The following SUMF1 variants were observed in gnomAD, a reference collection of about 807,000 sequenced individuals.
SUMF1 encodes sulfatase modifying factor 1, also known as formylglycine-generating enzyme.
Under a neutral mutation model 47.6 loss-of-function variants are expected in SUMF1, and 48 were observed. The observed-to-expected ratio is 1.01, with a 90% CI of 0.80 to 1.28. The LOEUF (loss-of-function observed/expected upper bound fraction) is 1.28, where lower values mean the gene tolerates loss of function less well. Among genes scored for constraint, SUMF1 ranks in the 50% most tolerant of loss-of-function variants. The pLI is 0.00. For missense variants in SUMF1, 571 were observed against 485.4 expected (o/e 1.18, Z -1.66); for synonymous variants, 230 against 192.1 (o/e 1.20, Z -1.63).
rs549036714 is a variant in SUMF1, at chr3:4,422,158, C to T, written c.520-2012G>A. 1.1e-3 allele frequency among the ~76,000 whole-genome samples: 166 copies of T among 152,194 alleles called. 1 individual carries two copies. The highest frequency in any genetic ancestry group is 1.9e-3 in the Non-Finnish European group (132 of 68,024). On this transcript the variant is annotated intron_variant, in intron 3 of 8. Transcript: ENST00000272902. ...TGGCTTCTTTCTATTTCATTTGTGG[C>T]GCTGTAGAAGTTCCTCTGGGGGCTG...
intron 8 of SUMF1, among the ~76,000 whole-genome samples, chr3:4,176,535 G>A (rs1220466169): frequency 1.3e-5 from 2 of 152,240 alleles, no homozygotes; most frequent in East Asian, 3.9e-4. Context: ...GCTGCTGAAG[G>A]AAGCACTAAA....
chr3:4,196,819 G>C (rs180817096), intron 8 of SUMF1, among the ~76,000 whole-genome samples: 1 of 152,198 alleles, frequency 6.6e-6, no homozygotes, highest in African/African-American at 2.4e-5. Context: ...TTAAATACTA[G>C]GGAACCAGTG....
At chr3:4,409,974 C>T (rs1431203883) in intron 7 of SUMF1, among the ~76,000 whole-genome samples, 1 of 152,156 alleles carries the variant, frequency 6.6e-6, no homozygotes, top group African/African-American at 2.4e-5. Flanking sequence ...TATCATTACC[C>T]TTTGAGCCTT....
At chr3:4,064,381 A>G (rs1695335369) in intron 9 of SUMF1, among the ~76,000 whole-genome samples, 1 of 152,096 alleles carries the variant, frequency 6.6e-6, no homozygotes, top group South Asian at 2.1e-4. Context: ...TCCGGAAGTT[A>G]CCATATATGG....
intron 8 of SUMF1, among the ~76,000 whole-genome samples, chr3:4,245,670 G>A (rs1696649317): frequency 6.6e-6 from 1 of 152,136 alleles, no homozygotes; most frequent in South Asian, 2.1e-4. Context: ...ACTGGGAGGT[G>A]TCTCCCAGTC....
intron 8 of SUMF1, among the ~76,000 whole-genome samples, chr3:4,095,870 G>A (rs541470171): frequency 1.2e-4 from 19 of 152,210 alleles, no homozygotes; most frequent in African/African-American, 3.9e-4. Context: ...CTGAACAAGG[G>A]AAAGCAAAAT....
intron 8 of SUMF1, among the ~76,000 whole-genome samples, chr3:4,182,581 G>C (rs748994343): frequency 7.2e-5 from 11 of 151,850 alleles, no homozygotes; most frequent in Non-Finnish European, 1.3e-4. Flanking sequence ...AGTTCAATAG[G>C]CTTTGTTCTG....
At chr3:4,070,482 C>T (rs1695495142) in intron 8 of SUMF1, among the ~76,000 whole-genome samples, 1 of 152,180 alleles carries the variant, frequency 6.6e-6, no homozygotes, top group African/African-American at 2.4e-5. Context: ...AAGAGACACA[C>T]CATTCTAAGA....
intron 3 of SUMF1, among the ~76,000 whole-genome samples, chr3:4,421,024 G>T (rs1701882379): frequency 6.6e-6 from 1 of 152,294 alleles, no homozygotes; most frequent in East Asian, 1.9e-4. Context: ...AGAATACAGA[G>T]GTCAAGTGAG....
At chr3:4,221,363 C>T (rs1385774501) in intron 8 of SUMF1, among the ~76,000 whole-genome samples, 1 of 151,544 alleles carries the variant, frequency 6.6e-6, no homozygotes, top group Non-Finnish European at 1.5e-5. Flanking sequence ...GCCAAAAGTG[C>T]AACTTTTCAT....
At chr3:4,204,768 C>CACACTGAT (rs1321286212) in intron 8 of SUMF1, among the ~76,000 whole-genome samples, 32 of 152,066 alleles carry the variant, frequency 2.1e-4, no homozygotes, top group African/African-American at 7.0e-4. Flanking sequence ...GCTGTTAAGA[C>CACACTGAT]ACACTGATGT....
Position 4,361,872 on chromosome 3 carries a change from A to C in SUMF1, c.*272T>G. ...GTAGGACGCGGGCCTCCTGAAGCCT[A>C]GCTCAGGGTTCCCTCCACTCCCCTT... On this transcript the variant is annotated 3_prime_UTR_variant, in exon 9 of 9. Coordinates refer to ENST00000272902, the MANE Select transcript of SUMF1 (RefSeq NM_182760.4). The C allele has an allele frequency of 2.3e-6, 1 of 435,598 alleles. No individual in the cohort carries two copies. 27.0% of individuals were successfully genotyped at this position (435,598 alleles called of 1,614,324 possible). A position where few individuals can be genotyped will look rare whatever the true frequency, so the allele number is the denominator to read the frequency against.
At chr3:4,426,198 C>T (rs948458671) in intron 3 of SUMF1, among the ~76,000 whole-genome samples, 6 of 152,182 alleles carry the variant, frequency 3.9e-5, no homozygotes, top group African/African-American at 1.4e-4. Flanking sequence ...AAAGCTTGGG[C>T]CCCTGTAAGG....
chr3:4,056,355 C>T (rs1024509955), intron 9 of SUMF1, among the ~76,000 whole-genome samples: 3 of 152,022 alleles, frequency 2.0e-5, no homozygotes, highest in African/African-American at 4.8e-5. Flanking sequence ...TGAAATAAAT[C>T]CCAAAATTAA....
intron 8 of SUMF1, among the ~76,000 whole-genome samples, chr3:4,253,891 T>C (rs1387273912): frequency 6.7e-6 from 1 of 149,860 alleles, no homozygotes; most frequent in Non-Finnish European, 1.5e-5. Flanking sequence ...GAGCAGTGGT[T>C]CTCCCAGCAC....
rs919334075 is a variant in SUMF1, at chr3:4,238,045, C to A, written c.1014+138285G>T. On this transcript the variant is annotated intron_variant and NMD_transcript_variant, in intron 8 of 12. Coordinates refer to the SUMF1 transcript ENST00000448413. ...AACATGTGGTGTTTGGTTTTCTGTTCCTGTGTTAGTTTGCTGAGAATGGTG... is the reference window on the plus strand; with the variant it reads ...AACATGTGGTGTTTGGTTTTCTGTTACTGTGTTAGTTTGCTGAGAATGGTG... Among the ~76,000 whole-genome samples the A allele has an allele frequency of 2.6e-5, 4 of 151,538 alleles. 1 individual carries two copies. Among genetic ancestry groups the A allele is most frequent in the Non-Finnish European group, 5.9e-5 (4 of 67,976 alleles).
intron 9 of SUMF1, among the ~76,000 whole-genome samples, chr3:4,035,068 G>T (rs1192372374): frequency 1.3e-5 from 2 of 151,996 alleles, no homozygotes; most frequent in African/African-American, 4.8e-5. Context: ...CAGTCCAGCT[G>T]GAGGACAACA....
At position 4,165,957 on chromosome 3, in the gene SUMF1, C is replaced by T. The variant is rs150710216; in HGVS notation, c.1015-97212G>A. Among the ~76,000 whole-genome samples, 536 of 151,326 alleles carry T rather than the reference C, an allele frequency of 3.5e-3. 3 individuals are homozygous for T. The highest frequency in any genetic ancestry group is 5.6e-3 in the Non-Finnish European group (383 of 67,856). The stretch of plus-strand genomic sequence containing the variant: ...GATGCAGTAGCAGATCCCCCTCTTG[C>T]CCAAGAACCCATAACAGTCCCTGGA... On this transcript the variant is annotated intron_variant and NMD_transcript_variant, in intron 8 of 12. Transcript: ENST00000448413.
chr3:4,460,613 TGTGTGTGTGTGAGA>T (rs1575255689), intron 1 of SUMF1, among the ~76,000 whole-genome samples: 1 of 149,252 alleles, frequency 6.7e-6, no homozygotes, highest in African/African-American at 2.5e-5. Context: ...TGTGTGTGTG[TGTGTGTGTGTGAGA>T]GTGTGTGTGT....
Sources: allele counts gnomAD v4.1 joint callset (sites outside exome capture counted in the v4.1 genomes callset), GRCh38; gene constraint gnomAD v4.1.1; transcripts MANE v1.5; gene names NCBI Gene and HGNC (gene_info 2026-07-23, HGNC 2026-07-21).